The following DPP10 variants were observed in gnomAD, a reference collection of about 807,000 sequenced individuals.
DPP10 encodes the protein dipeptidyl peptidase like 10.
Under a neutral mutation model 120.9 loss-of-function variants are expected in DPP10, and 33 were observed. The observed-to-expected ratio is 0.27, with a 90% confidence interval of 0.21 to 0.37. The LOEUF (loss-of-function observed/expected upper bound fraction) is 0.37, where lower values mean the gene tolerates loss of function less well. Among genes scored for constraint, DPP10 ranks in the 10% least tolerant of loss-of-function variants. DPP10 has a pLI of 1.00. For missense variants in DPP10, 816 were observed against 942.8 expected (o/e 0.87, Z 1.76); for synonymous variants, 337 against 326.1 (o/e 1.03, Z -0.36).
chr2:115,573,879 T>C (rs549477271), intron 5 of DPP10, among the ~76,000 whole-genome samples: 367 of 152,274 alleles, frequency 2.4e-3, no homozygotes, highest in African/African-American at 8.2e-3. Flanking sequence ...TCTTGGTTTC[T>C]AGTGTTATTC....
chr2:115,460,865 TG>T (rs2073945704), intron 3 of DPP10, among the ~76,000 whole-genome samples: 1 of 152,240 alleles, frequency 6.6e-6, no homozygotes, highest in South Asian at 2.1e-4. Context: ...TATATTGCTA[TG>T]GCAAAGTCTA....
In DPP10 at chr2:115,845,303, A is replaced by G. The variant is rs1412640801; in HGVS notation, c.*2958A>G. 2 of 152,268 alleles carry G rather than the reference A, an allele frequency of 1.3e-5. No homozygotes were observed. Among genetic ancestry groups the G allele is most frequent in the Admixed American group, 6.5e-5 (1 of 15,274 alleles). 9.4% of individuals were successfully genotyped at this position (152,268 alleles called of 1,614,324 possible). A position where few individuals can be genotyped will look rare whatever the true frequency, so the allele number is the denominator to read the frequency against. On this transcript the variant is annotated 3_prime_UTR_variant, in exon 26 of 26. Transcript: ENST00000410059. ...CTGCGGCCACCAACACTGTATGGAT[A>G]CAATCTGGCCTCTCAGCTCTGCTCA...
rs57462947 is a variant in DPP10 at position 115,207,416 on chromosome 2, C to CAAAAAAAAAAAAA, written c.61-101805_61-101793dup. Among the ~76,000 whole-genome samples, 20 of 52,300 alleles carry CAAAAAAAAAAAAA rather than the reference C, an allele frequency of 3.8e-4. 2 individuals carry two copies. The highest frequency in any genetic ancestry group is 1.3e-3 in the African/African-American group (19 of 15,134). The allele number at this position is 52,300 out of a possible 152,430, so 34.3% of individuals were successfully genotyped here. On this transcript the variant is annotated intron_variant, in intron 1 of 25. Transcript: ENST00000410059. ...GGTTTTTAAAGAGTGCTTACTGCAC[C>CAAAAAAAAAAAAA]AAAAAAAAAAAAAAAAAAAAAAAAA...
At chr2:115,446,341 CAG>C (rs1558671559) in intron 3 of DPP10, among the ~76,000 whole-genome samples, 1 of 152,198 alleles carries the variant, frequency 6.6e-6, no homozygotes, top group African/African-American at 2.4e-5. Flanking sequence ...AGCCCACACA[CAG>C]AGTCCCCACT....
intron 1 of DPP10, among the ~76,000 whole-genome samples, chr2:114,936,730 T>C (rs1386435748): frequency 6.6e-6 from 1 of 152,178 alleles, no homozygotes; most frequent in African/African-American, 2.4e-5. Flanking sequence ...TATTAACTTT[T>C]TACTGCATCC....
chr2:114,749,202 C>G (rs1275445317), intron 1 of DPP10, among the ~76,000 whole-genome samples: 3 of 149,040 alleles, frequency 2.0e-5, no homozygotes, highest in African/African-American at 7.5e-5. Context: ...TAAATGTCTT[C>G]TTTTGAGAAG....
chr2:115,471,171 G>A (rs2074691440), intron 3 of DPP10, among the ~76,000 whole-genome samples: 1 of 152,062 alleles, frequency 6.6e-6, no homozygotes, highest in African/African-American at 2.4e-5. Context: ...CATATACACG[G>A]TTTGGAGGCT....
At chr2:115,336,377 A>G (rs1242964741) in intron 2 of DPP10, among the ~76,000 whole-genome samples, 2 of 152,024 alleles carry the variant, frequency 1.3e-5, no homozygotes, top group African/African-American at 2.4e-5. Flanking sequence ...CCTTGTAACT[A>G]TTTAACCAAT....
chr2:114,817,474 T>G (rs554260757), intron 1 of DPP10, among the ~76,000 whole-genome samples: 1 of 152,272 alleles, frequency 6.6e-6, no homozygotes, highest in Admixed American at 6.5e-5. Context: ...GCTAGAAGTC[T>G]TAGGGAGAAA....
intron 5 of DPP10, among the ~76,000 whole-genome samples, chr2:115,535,287 T>C (rs7423223): frequency 7.1e-6 from 1 of 141,598 alleles, no homozygotes; most frequent in African/African-American, 2.5e-5. Flanking sequence ...ATTGATTTTT[T>C]TATAAGGTGT....
At chr2:115,572,809 A>G (rs2081416578) in intron 5 of DPP10, among the ~76,000 whole-genome samples, 1 of 152,204 alleles carries the variant, frequency 6.6e-6, no homozygotes. Context: ...TATTTTTTTA[A>G]CAACCCAAAC....
At chr2:115,763,089 A>G (rs1488141242) in intron 12 of DPP10, among the ~76,000 whole-genome samples, 1 of 152,170 alleles carries the variant, frequency 6.6e-6, no homozygotes, top group Admixed American at 6.5e-5. Flanking sequence ...TAAAAACCTA[A>G]TCACTGTTAC....
chr2:115,518,839 T>A (rs1192494118), intron 4 of DPP10, among the ~76,000 whole-genome samples: 3 of 152,102 alleles, frequency 2.0e-5, no homozygotes, highest in African/African-American at 4.8e-5. Flanking sequence ...TAATGTCAAA[T>A]TTTTTAGGAC....
chr2:115,772,061 A>C (rs1184064370), intron 13 of DPP10, among the ~76,000 whole-genome samples: 1 of 152,084 alleles, frequency 6.6e-6, no homozygotes, highest in African/African-American at 2.4e-5. Flanking sequence ...GATACAAATA[A>C]AAAGAGAAAA....
intron 5 of DPP10, among the ~76,000 whole-genome samples, chr2:115,594,195 C>T (rs567932903): frequency 6.6e-6 from 1 of 152,210 alleles, no homozygotes; most frequent in South Asian, 2.1e-4. Flanking sequence ...CCAGCTGAAG[C>T]CATGCTAAAT....
chr2:115,251,417 T>G (rs2105668740), intron 1 of DPP10, among the ~76,000 whole-genome samples: 1 of 152,328 alleles, frequency 6.6e-6, no homozygotes, highest in East Asian at 1.9e-4. Context: ...TCTGCTGATC[T>G]GTAAATTCAG....
rs111529802 is a variant in DPP10 at position 115,138,002 on chromosome 2, G to A, written c.61-171237G>A. On this transcript the variant is annotated intron_variant, in intron 1 of 25. Coordinates refer to ENST00000410059, the MANE Select transcript of DPP10 (RefSeq NM_020868.6). Reference sequence around the variant, plus strand: ...GGAGGAAAAGTAGACAATATCATATGAGGACAGAAAGAGGCACGGGGATGC... The same window carrying A: ...GGAGGAAAAGTAGACAATATCATATAAGGACAGAAAGAGGCACGGGGATGC... 4.7e-3 allele frequency among the ~76,000 whole-genome samples: 710 copies of A among 152,282 alleles called. 9 individuals are homozygous for A. Among genetic ancestry groups the A allele is most frequent in the African/African-American group, 0.016 (676 of 41,558 alleles).
chr2:115,572,166 A>G (rs1021210962), intron 5 of DPP10, among the ~76,000 whole-genome samples: 2 of 152,060 alleles, frequency 1.3e-5, no homozygotes, highest in African/African-American at 4.8e-5. Context: ...CAATAAATGC[A>G]TTTTTATAGG....
chr2:115,413,889 G>A (rs1001626690), intron 3 of DPP10, among the ~76,000 whole-genome samples: 1 of 148,642 alleles, frequency 6.7e-6, no homozygotes, highest in Non-Finnish European at 1.5e-5. Flanking sequence ...TCTAAGGAAG[G>A]CAATTCTACA....
Sources: gnomAD v4.1 joint callset for allele counts (sites outside exome capture counted in the v4.1 genomes callset) on GRCh38, gnomAD v4.1.1 for gene constraint, MANE v1.5 for transcripts, NCBI Gene and HGNC (gene_info 2026-07-23, HGNC 2026-07-21) for gene names.